Variants in TTC19 observed in about 807,000 individuals in gnomAD.
TTC19 encodes the protein tetratricopeptide repeat domain 19.
Under a neutral mutation model 49.5 loss-of-function variants are expected in TTC19, and 38 were observed. The observed-to-expected ratio is 0.77, with a 90% CI of 0.59 to 1.01. The LOEUF is 1.01. TTC19 is among the 50% of genes least tolerant of loss of function. The probability of loss-of-function intolerance (pLI) is 0.00; values close to 1 mark genes in which losing one functional copy is unlikely to be tolerated. For missense variants in TTC19, 475 were observed against 477.7 expected (o/e 0.99, Z 0.05); for synonymous variants, 204 against 185.2 (o/e 1.10, Z -0.83).
chr17:16,011,269 C>T (rs897262179), intron 7 of TTC19, among the ~76,000 whole-genome samples: 3 of 152,206 alleles, frequency 2.0e-5, no homozygotes, highest in African/African-American at 7.2e-5. Flanking sequence ...CAAGCTCCAC[C>T]TCCTGGGTTC....
At chr17:16,018,714 C>T (rs529651736) in intron 7 of TTC19, among the ~76,000 whole-genome samples, 16 of 152,030 alleles carry the variant, frequency 1.1e-4, no homozygotes, top group Non-Finnish European at 1.9e-4. Flanking sequence ...CACCATCTTG[C>T]CCAGGCTGGT....
Position 16,000,169 on chromosome 17 carries a change from G to T in TTC19, c.236G>T (p.Gly79Val), listed in dbSNP as rs772142967. The change falls in exon 2 of 10, where the codon GGA becomes GTA. Residue 79 changes from glycine (G) to valine (V), a missense_variant. Gly to Val is a moderately radical substitution (Grantham distance 109, BLOSUM62 -3). Transcript: ENST00000261647. The stretch of plus-strand genomic sequence containing the variant: ...GCGGCAGAGGAGGAGGAGCAGCAGG[G>T]AGCCGACGGGGCCGCTGCCGAGGAC... ...PAAAEEEEQQ[G>V]ADGAAAEDGA... 18 of 1,591,224 alleles carry T rather than the reference G, an allele frequency of 1.1e-5. No individual in the cohort carries two copies. Among genetic ancestry groups the T allele is most frequent in the Non-Finnish European group, 1.5e-5 (18 of 1,177,438 alleles).
At chr17:16,031,476 A>C (rs1971979219), downstream of TTC19, 1 of 199,328 alleles carries the variant, frequency 5.0e-6, no homozygotes, top group Non-Finnish European at 1.0e-5. Flanking sequence ...GAGAAAAGGA[A>C]TACTTAGGGG....
intron 8 of TTC19, among the ~76,000 whole-genome samples, chr17:16,025,537 T>C (rs1279801303): frequency 6.6e-6 from 1 of 152,136 alleles, no homozygotes; most frequent in Non-Finnish European, 1.5e-5. Context: ...TACACAAATA[T>C]CCTTGCCTCC....
At chr17:16,038,742 T>G (rs2151960627) in intron 2 of TTC19, among the ~76,000 whole-genome samples, 1 of 151,928 alleles carries the variant, frequency 6.6e-6, no homozygotes, top group East Asian at 1.9e-4. Context: ...TTTTTATGGC[T>G]TACGATTATT....
chr17:16,033,426 A>G (rs1972895474), downstream of TTC19, among the ~76,000 whole-genome samples: 1 of 152,074 alleles, frequency 6.6e-6, no homozygotes, highest in South Asian at 2.1e-4. Flanking sequence ...ATTCTTCCCT[A>G]AGAGATCTGA....
intron 2 of TTC19, among the ~76,000 whole-genome samples, chr17:16,036,943 G>A (rs987764145): frequency 2.0e-5 from 3 of 152,144 alleles, no homozygotes; most frequent in Non-Finnish European, 4.4e-5. Flanking sequence ...TGGCACATGA[G>A]GTCTAGCTTT....
intron 7 of TTC19, among the ~76,000 whole-genome samples, chr17:16,021,988 A>G (rs949122468): frequency 6.6e-6 from 1 of 152,156 alleles, no homozygotes; most frequent in Admixed American, 6.5e-5. Flanking sequence ...AGACTTGGCC[A>G]TTCAAGGCTC....
rs137927766 is a variant in TTC19, at chr17:16,017,688, G to T, written c.677-7329G>T. The stretch of plus-strand genomic sequence containing the variant: ...AAGCAGGAGAATCGCATGAACCTGG[G>T]AGGCGGAGGTTGCAGTGAGCCGAGA... On this transcript the variant is annotated intron_variant, in intron 7 of 9. Transcript: ENST00000261647. Among the ~76,000 whole-genome samples, 470 of 151,016 alleles carry T rather than the reference G, an allele frequency of 3.1e-3. 2 individuals carry two copies. The highest frequency in any genetic ancestry group is 0.011 in the African/African-American group (447 of 41,158).
chr17:16,003,942 T>C, intron 5 of TTC19, 55 bp downstream of exon 5: 1 of 1,582,998 alleles, frequency 6.3e-7, no homozygotes, highest in Middle Eastern at 1.7e-4. Context: ...AAAACAGTCT[T>C]GTCTCCTGAA....
rs1410549411 is a variant in TTC19, at chr17:16,025,168, A to C, written c.828A>C (p.Pro276=). 1 of 1,613,640 alleles carries C rather than the reference A, an allele frequency of 6.2e-7. No individual in the cohort carries two copies. The highest frequency in any genetic ancestry group is 2.2e-5 in the East Asian group (1 of 44,882). Residue 276 remains proline (P), a synonymous_variant, in exon 8 of 10, where the codon CCA becomes CCC. Coordinates refer to ENST00000261647, the MANE Select transcript of TTC19 (RefSeq NM_017775.4). The part of the protein sequence containing the change: ...ISEEIQGERH[P]QTIVLMSDLA... ...AAGAAATACAAGGAGAAAGACACCC[A>C]CAGGTAAGGGAGGAAAACACAGAAG... is the stretch of plus-strand genomic sequence containing the variant.
In TTC19 at chr17:16,023,155, C is replaced by T. The variant is rs77282204; in HGVS notation, c.677-1862C>T. ...GTACATTTATCTTTAGAAAAGTTTGCTTTTCAGAAAGTGTTTCCATTTTTC... is the reference window on the plus strand; with the variant it reads ...GTACATTTATCTTTAGAAAAGTTTGTTTTTCAGAAAGTGTTTCCATTTTTC... On this transcript the variant is annotated intron_variant, in intron 7 of 9. Coordinates refer to ENST00000261647, the MANE Select transcript of TTC19 (RefSeq NM_017775.4). Among the ~76,000 whole-genome samples the T allele has an allele frequency of 4.9e-3, 740 of 152,254 alleles. 8 individuals are homozygous for T. The highest frequency in any genetic ancestry group is 0.017 in the African/African-American group (695 of 41,560).
Position 16,028,750 on chromosome 17 carries a change from G to A in TTC19, c.*1228G>A, listed in dbSNP as rs1346666450. 2.6e-6 allele frequency: 1 copy of A among 381,298 alleles called. No individual in the cohort carries two copies. The highest frequency in any genetic ancestry group is 5.0e-6 in the Non-Finnish European group (1 of 200,658). The allele number at this position is 381,298 out of a possible 1,614,324, so 23.6% of individuals were successfully genotyped here. ...ACTTTTGGTTCGTATGTACATACTG[G>A]AAGAATCTTCATAATAAATGAGACT... On this transcript the variant is annotated 3_prime_UTR_variant, in exon 10 of 10. Coordinates refer to ENST00000261647, the MANE Select transcript of TTC19 (RefSeq NM_017775.4).
At chr17:16,035,245 CTT>C (rs1484096693) in intron 2 of TTC19, among the ~76,000 whole-genome samples, 3 of 152,136 alleles carry the variant, frequency 2.0e-5, no homozygotes, top group African/African-American at 7.2e-5. Context: ...TCATGAAAGA[CTT>C]ATTTGTAGCA....
rs1366546145 is a variant in TTC19 at position 16,044,906 on chromosome 17, CAAA to C, written c.*352_*354del. ...CAGCTGAGAAGAAAGTGGAAGCAAA[CAAA>C]GAAGAATCTGAGGAGTCTGATGATG... On this transcript the variant is annotated 3_prime_UTR_variant, in exon 3 of 3. Transcript: ENST00000470649. 3.8e-5 allele frequency: 26 copies of C among 680,642 alleles called. 1 individual carries two copies. The highest frequency in any genetic ancestry group is 2.7e-4 in the East Asian group (10 of 36,386). 42.2% of individuals were successfully genotyped at this position (680,642 alleles called of 1,614,324 possible).
chr17:16,004,303 C>T (rs369976907), intron 6 of TTC19, 41 bp downstream of exon 6: 17 of 1,575,312 alleles, frequency 1.1e-5, no homozygotes, highest in Non-Finnish European at 1.5e-5. Flanking sequence ...GGGCAGGAAA[C>T]TTTGACTCTG....
At chr17:16,010,600 G>A (rs1263984191) in intron 7 of TTC19, among the ~76,000 whole-genome samples, 6 of 151,678 alleles carry the variant, frequency 4.0e-5, no homozygotes, top group African/African-American at 1.5e-4. Context: ...TCAGCCTCCC[G>A]AGTAGCTGGG....
intron 7 of TTC19, among the ~76,000 whole-genome samples, chr17:16,020,359 GTTGT>G (rs1971336473): frequency 6.6e-6 from 1 of 151,152 alleles, no homozygotes; most frequent in Admixed American, 6.6e-5. Flanking sequence ...TTTTTGAGGG[GTTGT>G]CTTTTTCTTA....
intron 7 of TTC19, among the ~76,000 whole-genome samples, chr17:16,019,050 T>C (rs1971294004): frequency 2.0e-5 from 3 of 152,156 alleles, no homozygotes. Flanking sequence ...AAACAATATA[T>C]TGCTGGGTAC....
Sources: gnomAD v4.1 joint callset for allele counts (sites outside exome capture counted in the v4.1 genomes callset) on GRCh38, gnomAD v4.1.1 for gene constraint, MANE v1.5 for transcripts, NCBI Gene and HGNC (gene_info 2026-07-23, HGNC 2026-07-21) for gene names.